AHCYL1: variants seen among roughly 807,000 people sequenced by gnomAD.
The protein encoded by AHCYL1 is S-adenosylhomocysteine hydrolase-like protein 1.
In AHCYL1, 20 loss-of-function variants were observed where a neutral mutation model predicts 79.3. The observed-to-expected ratio is 0.25, with a 90% confidence interval of 0.18 to 0.37. The LOEUF (loss-of-function observed/expected upper bound fraction) is 0.37, where lower values mean the gene tolerates loss of function less well. Among genes scored for constraint, AHCYL1 ranks in the 10% least tolerant of loss-of-function variants. The pLI is 1.00. For missense variants in AHCYL1, 330 were observed against 673.6 expected (o/e 0.49, Z 5.65); for synonymous variants, 223 against 242.2 (o/e 0.92, Z 0.74).
chr1:109,989,232 A>C (rs1382488212), intron 1 of AHCYL1, among the ~76,000 whole-genome samples: 3 of 152,186 alleles, frequency 2.0e-5, no homozygotes, highest in African/African-American at 7.2e-5. Context: ...TTAGACATTT[A>C]GCTTGTAACA....
chr1:109,995,699 G>A (rs928772411), intron 1 of AHCYL1: 19 of 985,312 alleles, frequency 1.9e-5, no homozygotes, highest in Non-Finnish European at 2.3e-5. Flanking sequence ...GGAAGGAGAA[G>A]AAGGTATCAG....
At chr1:110,005,912 C>T (rs1650620944) in intron 1 of AHCYL1, among the ~76,000 whole-genome samples, 1 of 152,186 alleles carries the variant, frequency 6.6e-6, no homozygotes, top group African/African-American at 2.4e-5. Context: ...AGACTTCCCA[C>T]TAGGTAGTGC....
intron 1 of AHCYL1, among the ~76,000 whole-genome samples, chr1:109,985,910 T>C (rs1649441474): frequency 6.6e-6 from 1 of 152,130 alleles, no homozygotes; most frequent in South Asian, 2.1e-4. Flanking sequence ...GACTGTACTT[T>C]TGAGGCAGAA....
At chr1:109,992,611 AGAAGAGAGGTCAGTAAGTAGACAGATTTG>A (rs1305870110) in intron 1 of AHCYL1, among the ~76,000 whole-genome samples, 1 of 152,162 alleles carries the variant, frequency 6.6e-6, no homozygotes, top group Admixed American at 6.5e-5. Context: ...TTCTAATTTT[AGAAGAGAGGTCAGTAAGTAGACAGATTTG>A]TGTAGAAGAT....
chr1:109,996,330 T>C (rs1317064467), intron 1 of AHCYL1, among the ~76,000 whole-genome samples: 1 of 152,230 alleles, frequency 6.6e-6, no homozygotes, highest in Non-Finnish European at 1.5e-5. Flanking sequence ...TTGCTCTTTT[T>C]CTCAATGTAT....
At position 110,017,948 on chromosome 1, in the gene AHCYL1, T is replaced by C; in HGVS notation, c.1055T>C (p.Met352Thr). The C allele has an allele frequency of 6.2e-7, 1 of 1,614,176 alleles. No individual in the cohort carries two copies. The highest frequency in any genetic ancestry group is 8.5e-7 in the Non-Finnish European group (1 of 1,180,004). Residue 352 changes from methionine to threonine, a missense_variant and splice_region_variant, in exon 11 of 17, where the codon ATG becomes ACG. By Grantham distance (81) the Met-to-Thr change is moderately conservative (BLOSUM62 -1). This residue lies in a region of AHCYL1 where 119 missense variants were observed against 293.3 expected (regional missense o/e 0.41). Coordinates refer to ENST00000369799, the MANE Select transcript of AHCYL1 (RefSeq NM_006621.7). ...IDPICALQAC[M>T]DGFRVVKLNE... ...AGTGTTCCTTTCTTTTCTTCCAGCA[T>C]GGATGGGTTCAGGGTGGTAAAGCTA...
chr1:109,998,632 C>T (rs1313499172), intron 1 of AHCYL1, among the ~76,000 whole-genome samples: 1 of 152,032 alleles, frequency 6.6e-6, no homozygotes, highest in African/African-American at 2.4e-5. Flanking sequence ...TGCCTACCAC[C>T]ACACCTGGCT....
intron 8 of AHCYL1, 96 bp from the exon 9 acceptor site, chr1:110,016,571 T>C: frequency 6.4e-7 from 1 of 1,573,664 alleles, no homozygotes; most frequent in Non-Finnish European, 8.7e-7. Context: ...TTCCAATTGA[T>C]ATTCTCATGG....
In AHCYL1 at chr1:110,017,592, A is replaced by T; in HGVS notation, c.1052+9A>T. On this transcript the variant is annotated intron_variant, in intron 10 of 16. Coordinates refer to ENST00000369799, the MANE Select transcript of AHCYL1 (RefSeq NM_006621.7). ...TGTGCTCTGCAGGCCTGGTAAGAAC[A>T]GAGTGATAATACTATTAGATTCACT... 5.6e-6 allele frequency: 9 copies of T among 1,611,792 alleles called. No individual in the cohort carries two copies. Among genetic ancestry groups the T allele is most frequent in the Non-Finnish European group, 7.6e-6 (9 of 1,178,008 alleles).
At position 109,985,000 on chromosome 1, in the gene AHCYL1, AG is replaced by A. The variant is rs920618699; in HGVS notation, c.-48del. 239 of 1,442,838 alleles carry A rather than the reference AG, an allele frequency of 1.7e-4. No homozygotes were observed. The highest frequency in any genetic ancestry group is 2.1e-4 in the Non-Finnish European group (233 of 1,094,272). The allele number at this position is 1,442,838 out of a possible 1,614,324, so 89.4% of individuals were successfully genotyped here. On this transcript the variant is annotated 5_prime_UTR_variant, in exon 1 of 17. Transcript: ENST00000369799. ...GCGCGGGCAGGCGGGCGGGCGCCAG[AG>A]GGGGAAAGAGGCGGGGGCGGCGGGT...
rs908637300 is a variant in AHCYL1 at position 110,023,296 on chromosome 1, T to C, written c.*1616T>C. On this transcript the variant is annotated 3_prime_UTR_variant, in exon 17 of 17. Coordinates refer to ENST00000369799, the MANE Select transcript of AHCYL1 (RefSeq NM_006621.7). Reference sequence around the variant, plus strand: ...TTTTCCCTTTTCTCTCCCATTTTCTTTTACCCAATCCCTTCTTACTCCTTG... The same window carrying C: ...TTTTCCCTTTTCTCTCCCATTTTCTCTTACCCAATCCCTTCTTACTCCTTG... 1 of 152,672 alleles carries C rather than the reference T, an allele frequency of 6.5e-6. No homozygotes were observed. Among genetic ancestry groups the C allele is most frequent in the Admixed American group, 6.5e-5 (1 of 15,282 alleles). The allele number at this position is 152,672 out of a possible 1,614,324, so 9.5% of individuals were successfully genotyped here.
intron 2 of AHCYL1, 124 bp from the exon 3 acceptor site, chr1:110,011,090 T>G: frequency 8.2e-7 from 1 of 1,221,902 alleles, no homozygotes; most frequent in Admixed American, 2.8e-5. Context: ...GAGAGCGTTG[T>G]AAAAGGTAGC....
rs1330631486 is a variant in AHCYL1, at chr1:110,022,383, A to C, written c.*703A>C. On this transcript the variant is annotated 3_prime_UTR_variant, in exon 17 of 17. Coordinates refer to ENST00000369799, the MANE Select transcript of AHCYL1 (RefSeq NM_006621.7). ...ATTTATTTCTGTTGTCCAAAAAAAAAAAAAAAGAAAAGAAAAATTAAGGAG... is the reference window on the plus strand; with the variant it reads ...ATTTATTTCTGTTGTCCAAAAAAAACAAAAAAGAAAAGAAAAATTAAGGAG... The C allele has an allele frequency of 1.3e-5, 2 of 152,096 alleles. No individual in the cohort carries two copies. The highest frequency in any genetic ancestry group is 1.5e-5 in the Non-Finnish European group (1 of 68,004). The allele number at this position is 152,096 out of a possible 1,614,324, so 9.4% of individuals were successfully genotyped here. A position where few individuals can be genotyped will look rare whatever the true frequency, so the allele number is the denominator to read the frequency against.
chr1:110,017,395 T>C, intron 9 of AHCYL1, 100 bp from the exon 10 acceptor site: 1 of 1,059,056 alleles, frequency 9.4e-7, no homozygotes, highest in South Asian at 1.4e-5. Flanking sequence ...GATGACAGGC[T>C]ATTTCATGAA....
At chr1:109,995,161 T>A (rs1160067715) in intron 1 of AHCYL1, among the ~76,000 whole-genome samples, 1 of 152,212 alleles carries the variant, frequency 6.6e-6, no homozygotes, top group Non-Finnish European at 1.5e-5. Flanking sequence ...TCATAAAGTT[T>A]AGAAGGAGAA....
Position 110,016,738 on chromosome 1 carries a change from G to A in AHCYL1, c.963+8G>A, listed in dbSNP as rs376789939. The A allele has an allele frequency of 6.2e-7, 1 of 1,613,972 alleles. No individual in the cohort carries two copies. Among genetic ancestry groups the A allele is most frequent in the East Asian group, 2.2e-5 (1 of 44,896 alleles). ...GTGTGTGGCTATGGTGAGGTAAATA[G>A]CTGGGTCTCAGTGTCTCTTTCTTTT... On this transcript the variant is annotated splice_region_variant and intron_variant, in intron 9 of 16. Transcript: ENST00000369799.
rs559628526 is a variant in AHCYL1, at chr1:109,985,388, G to A, written c.120+216G>A. The A allele has an allele frequency of 9.3e-6, 12 of 1,297,096 alleles. No individual in the cohort carries two copies. The African/African-American group carries it at 1.9e-4, about 20-fold the overall frequency. The allele number at this position is 1,297,096 out of a possible 1,614,324, so 80.3% of individuals were successfully genotyped here. On this transcript the variant is annotated intron_variant, in intron 1 of 16. Coordinates refer to ENST00000369799, the MANE Select transcript of AHCYL1 (RefSeq NM_006621.7). ...TTGTCCCTCGGCCCAAGTCCTCCGG[G>A]ATCGTTTTGAAACCCGACAGGGCCA... is the stretch of plus-strand genomic sequence containing the variant.
Position 109,984,829 on chromosome 1 carries a change from T to A in AHCYL1, c.-224T>A. The A allele has an allele frequency of 3.8e-6, 1 of 265,050 alleles. No homozygotes were observed. Among genetic ancestry groups the A allele is most frequent in the Non-Finnish European group, 5.0e-6 (1 of 198,790 alleles). 16.4% of individuals were successfully genotyped at this position (265,050 alleles called of 1,614,324 possible). On this transcript the variant is annotated 5_prime_UTR_variant, in exon 1 of 17. Coordinates refer to ENST00000369799, the MANE Select transcript of AHCYL1 (RefSeq NM_006621.7). ...CGGGCAGGTCGGAGCTCGGAGCTGC[T>A]GTTCTGGTTCTCTTGTGGCCGCCGT...
Position 110,018,412 on chromosome 1 carries a change from T to C in AHCYL1, c.1163T>C (p.Met388Thr). 6.2e-7 allele frequency: 1 copy of C among 1,614,194 alleles called. No individual in the cohort carries two copies. Among genetic ancestry groups the C allele is most frequent in the Non-Finnish European group, 8.5e-7 (1 of 1,180,010 alleles). Reference protein sequence around the residue: ...NVVTREHLDRMKNSCIVCNMG... With the variant: ...NVVTREHLDRTKNSCIVCNMG... Reference sequence around the variant, plus strand: ...GTGACACGGGAGCACTTGGATCGCATGAAAAACAGTTGTATCGTATGCAAT... The same window carrying C: ...GTGACACGGGAGCACTTGGATCGCACGAAAAACAGTTGTATCGTATGCAAT... The change falls in exon 12 of 17, where the codon ATG (methionine) becomes ACG (threonine). Residue 388 changes from methionine (M) to threonine (T), a missense_variant. Around this residue, in one of 6 missense-constraint regions of AHCYL1, gnomAD observed 119 missense variants for 293.3 expected, o/e 0.41. Transcript: ENST00000369799.
Sources: allele counts gnomAD v4.1 joint callset (sites outside exome capture counted in the v4.1 genomes callset), GRCh38; gene constraint gnomAD v4.1.1; regional missense constraint gnomAD v4.1.1; transcripts MANE v1.5; gene names NCBI Gene and HGNC (gene_info 2026-07-23, HGNC 2026-07-21).